MPHOSPH8: variants seen among roughly 807,000 people sequenced by gnomAD.
MPHOSPH8 encodes M-phase phosphoprotein, mpp.
MPHOSPH8 carries 45 observed loss-of-function variants against 87.3 expected under a neutral mutation model. That is an observed-to-expected ratio of 0.52 (90% CI 0.41 to 0.66). The LOEUF is 0.66. MPHOSPH8 is among the 30% of genes least tolerant of loss of function. MPHOSPH8 has a pLI of 0.00. For synonymous variants in MPHOSPH8, 366 were observed against 376.9 expected, an observed-to-expected ratio of 0.97 and a Z score of 0.33; for missense variants, 883 against 1,020.2, an observed-to-expected ratio of 0.87 and a Z score of 1.83.
chr13:19,654,312 A>C (rs942616172), intron 5 of MPHOSPH8, among the ~76,000 whole-genome samples: 2 of 152,106 alleles, frequency 1.3e-5, no homozygotes, highest in African/African-American at 4.8e-5. Flanking sequence ...GGAACATCAC[A>C]CACCAGGGCC....
intron 7 of MPHOSPH8, among the ~76,000 whole-genome samples, chr13:19,660,194 TC>T (rs992716998): frequency 6.6e-6 from 1 of 151,610 alleles, no homozygotes; most frequent in Non-Finnish European, 1.5e-5. Flanking sequence ...GGTCTCGATC[TC>T]CTGACCTTGT....
intron 1 of MPHOSPH8, among the ~76,000 whole-genome samples, chr13:19,640,809 GT>G (rs1012290953): frequency 7.2e-5 from 11 of 152,044 alleles, no homozygotes; most frequent in African/African-American, 2.4e-4. Context: ...AAAAGGGAGC[GT>G]TTTTGTACTA....
rs572579207 is a variant in MPHOSPH8, at chr13:19,648,156, C to CTT, written c.1219-254_1219-253dup. On this transcript the variant is annotated intron_variant, in intron 3 of 13. Transcript: ENST00000361479. The stretch of plus-strand genomic sequence containing the variant: ...GGGTGGAAAACTTTCTTATAATTTT[C>CTT]TTTTTTTTTTTTTAATAATAAAATT... Among the ~76,000 whole-genome samples, 3 of 139,074 alleles carry CTT rather than the reference C, an allele frequency of 2.2e-5. No individual in the cohort carries two copies. The South Asian group carries it at 6.9e-4, about 32-fold the overall frequency. The allele number at this position is 139,074 out of a possible 152,430, so 91.2% of individuals were successfully genotyped here.
At chr13:19,643,977 A>G (rs1874438397) in intron 2 of MPHOSPH8, among the ~76,000 whole-genome samples, 1 of 152,174 alleles carries the variant, frequency 6.6e-6, no homozygotes, top group Non-Finnish European at 1.5e-5. Flanking sequence ...AGAGAAATTA[A>G]CCTCAGATTT....
Position 19,671,406 on chromosome 13 carries a change from C to T in MPHOSPH8, c.2541+117C>T, listed in dbSNP as rs1555224474. 10 of 831,500 alleles carry T rather than the reference C, an allele frequency of 1.2e-5. 1 individual carries two copies. In the South Asian group the frequency reaches 1.5e-4, roughly 13 times the overall value. The allele number at this position is 831,500 out of a possible 1,614,324, so 51.5% of individuals were successfully genotyped here. On this transcript the variant is annotated intron_variant, in intron 13 of 13. Coordinates refer to ENST00000361479, the MANE Select transcript of MPHOSPH8 (RefSeq NM_017520.4). ...GGTGTACCTGTCCTAGAGACAGGCA[C>T]TCCCTGGGGTAGTGATGCTAGGTGC...
rs201719876 is a variant in MPHOSPH8 at position 19,650,128 on chromosome 13, A to C, written c.1444A>C (p.Lys482Gln). ...PLDFKTIDDH[K>Q]TKENKQSLKE... Reference sequence around the variant, plus strand: ...GGATTTTAAAACCATAGACGATCACAAAACCAAGGAAAACAAACAGTCACT... The same window carrying C: ...GGATTTTAAAACCATAGACGATCACCAAACCAAGGAAAACAAACAGTCACT... The change falls in exon 5 of 14, where the codon AAA becomes CAA. Residue 482 changes from lysine to glutamine, a missense_variant. Around this residue, in one of 3 missense-constraint regions of MPHOSPH8, gnomAD observed 741 missense variants for 841.5 expected, o/e 0.88. Transcript: ENST00000361479. 6.4e-5 allele frequency: 103 copies of C among 1,614,074 alleles called. No homozygotes were observed. Among genetic ancestry groups the C allele is most frequent in the Non-Finnish European group, 6.6e-5 (78 of 1,180,032 alleles).
At chr13:19,638,544 C>T (rs1047359963) in intron 1 of MPHOSPH8, among the ~76,000 whole-genome samples, 1 of 150,260 alleles carries the variant, frequency 6.7e-6, no homozygotes, top group Admixed American at 6.6e-5. Flanking sequence ...ACCCAGGAGG[C>T]GAAGGTTGTG....
intron 13 of MPHOSPH8, 32 bp from the exon 14 acceptor site, chr13:19,671,802 G>C: frequency 6.2e-7 from 1 of 1,611,050 alleles, no homozygotes. Flanking sequence ...ATCTGGATCT[G>C]TACTGACACC....
At chr13:19,657,121 CAA>C (rs11383127) in intron 5 of MPHOSPH8, among the ~76,000 whole-genome samples, 11 of 70,080 alleles carry the variant, frequency 1.6e-4, no homozygotes, top group African/African-American at 7.0e-4. Context: ...AACTCTGTCT[CAA>C]AAAAAAAAAA....
chr13:19,653,444 T>C (rs765575178), intron 5 of MPHOSPH8, among the ~76,000 whole-genome samples: 9 of 152,124 alleles, frequency 5.9e-5, no homozygotes, highest in Non-Finnish European at 1.2e-4. Context: ...GGTAGATAAC[T>C]CCACAAAGAT....
Position 19,672,079 on chromosome 13 carries a change from T to G in MPHOSPH8, c.*204T>G, listed in dbSNP as rs1876161932. 5 of 571,782 alleles carry G rather than the reference T, an allele frequency of 8.7e-6. No homozygotes were observed. Among genetic ancestry groups the G allele is most frequent in the Non-Finnish European group, 1.6e-5 (5 of 321,160 alleles). The allele number at this position is 571,782 out of a possible 1,614,324, so 35.4% of individuals were successfully genotyped here. On this transcript the variant is annotated 3_prime_UTR_variant, in exon 14 of 14. Coordinates refer to ENST00000361479, the MANE Select transcript of MPHOSPH8 (RefSeq NM_017520.4). The stretch of plus-strand genomic sequence containing the variant: ...CGGAATCTCAGTGCAGTGTCCAGAC[T>G]GCGTATTTCAGTTTTTCCACAATGT...
Position 19,657,121 on chromosome 13 carries a change from CAAAAAAAAAAA to C in MPHOSPH8, c.1577-1863_1577-1853del, listed in dbSNP as rs11383127. Among the ~76,000 whole-genome samples, 52 of 70,094 alleles carry C rather than the reference CAAAAAAAAAAA, an allele frequency of 7.4e-4. 1 individual carries two copies. Among genetic ancestry groups the C allele is most frequent in the African/African-American group, 2.9e-3 (45 of 15,660 alleles). The allele number at this position is 70,094 out of a possible 152,430, so 46.0% of individuals were successfully genotyped here. On this transcript the variant is annotated intron_variant, in intron 5 of 13. Transcript: ENST00000361479. The stretch of plus-strand genomic sequence containing the variant: ...TGGGCAACAGCACAAAACTCTGTCT[CAAAAAAAAAAA>C]AAAAAAAAAAGGCCTGTATGGAGAA...
rs1340981031 is a variant in MPHOSPH8, at chr13:19,673,094, T to C, written c.*1219T>C. 1 of 357,024 alleles carries C rather than the reference T, an allele frequency of 2.8e-6. No individual in the cohort carries two copies. Among genetic ancestry groups the C allele is most frequent in the Non-Finnish European group, 5.5e-6 (1 of 180,462 alleles). The allele number at this position is 357,024 out of a possible 1,614,324, so 22.1% of individuals were successfully genotyped here. On this transcript the variant is annotated 3_prime_UTR_variant, in exon 14 of 14. Coordinates refer to ENST00000361479, the MANE Select transcript of MPHOSPH8 (RefSeq NM_017520.4). ...GTTTCTTGGAACCTATACGGTTTTTTTTTGTTTTTTTTTTTTGAAAAGCCA... is the reference window on the plus strand; with the variant it reads ...GTTTCTTGGAACCTATACGGTTTTTCTTTGTTTTTTTTTTTTGAAAAGCCA...
In MPHOSPH8 at chr13:19,650,194, G is replaced by A. The variant is rs778729583; in HGVS notation, c.1510G>A (p.Ala504Thr). 1.9e-6 allele frequency: 3 copies of A among 1,614,040 alleles called. No individual in the cohort carries two copies. Among genetic ancestry groups the A allele is most frequent in the South Asian group, 2.2e-5 (2 of 91,094 alleles). The change falls in exon 5 of 14, where the codon GCA becomes ACA. Residue 504 changes from alanine to threonine, a missense_variant. Transcript: ENST00000361479. The part of the protein sequence containing the change: ...RNTRDETDTW[A>T]YIAAEGDQEV... ...CACCAGAGACGAAACGGATACTTGG[G>A]CATACATTGCTGCAGAAGGTGATCA...
chr13:19,668,568 A>T, intron 11 of MPHOSPH8, 37 bp downstream of exon 11: 1 of 1,579,986 alleles, frequency 6.3e-7, no homozygotes, highest in Non-Finnish European at 8.6e-7. Context: ...TTCTATGTGA[A>T]GTGTGACACT....
rs770503364 is a variant in MPHOSPH8, at chr13:19,661,780, C to T, written c.1874C>T (p.Ala625Val). The change falls in exon 8 of 14, where the codon GCG becomes GTG. Residue 625 changes from alanine (A) to valine (V), a missense_variant. Physicochemically the swap from Ala to Val is moderately conservative, Grantham distance 64. Coordinates refer to ENST00000361479, the MANE Select transcript of MPHOSPH8 (RefSeq NM_017520.4). ...CTGCGACTCCTCATCACAAAAGGCG[C>T]GAAAGTGAACGGTCGGCAGAAGAAC... ...DLLRLLITKG[A>V]KVNGRQKNGT... The T allele has an allele frequency of 3.7e-6, 6 of 1,613,386 alleles. No individual in the cohort carries two copies. Among genetic ancestry groups the T allele is most frequent in the South Asian group, 2.2e-5 (2 of 90,912 alleles).
At position 19,673,031 on chromosome 13, in the gene MPHOSPH8, A is replaced by G. The variant is rs4769866; in HGVS notation, c.*1156A>G. 432,879 of 439,358 alleles carry G rather than the reference A, an allele frequency of 0.99. 213,589 individuals carry two copies. The highest frequency in any genetic ancestry group is 1 in the East Asian group (14,235 of 14,236). The allele number at this position is 439,358 out of a possible 1,614,324, so 27.2% of individuals were successfully genotyped here. On this transcript the variant is annotated 3_prime_UTR_variant, in exon 14 of 14. Coordinates refer to ENST00000361479, the MANE Select transcript of MPHOSPH8 (RefSeq NM_017520.4). ...TGAAAGGCCACTGCACTCCAGCCTG[A>G]GTGACAGAATGAGACCTTGTCTCAA...
chr13:19,663,427 G>T (rs1254706883), intron 9 of MPHOSPH8, among the ~76,000 whole-genome samples: 1 of 152,210 alleles, frequency 6.6e-6, no homozygotes. Context: ...GTGCCACACT[G>T]TGTCCTAAAT....
chr13:19,672,969 T>C lies in MPHOSPH8; in HGVS notation c.*1094T>C, dbSNP rs1393184447. 6.0e-5 allele frequency: 24 copies of C among 402,062 alleles called. No individual in the cohort carries two copies. Among genetic ancestry groups the C allele is most frequent in the Non-Finnish European group, 1.1e-4 (22 of 208,000 alleles). 24.9% of individuals were successfully genotyped at this position (402,062 alleles called of 1,614,324 possible). Reference sequence around the variant, plus strand: ...TACTCAGGAGGCTGAGGTGAAAGGATTGCTTGAGCCAGGGAGGTCAAGGCT... The same window carrying C: ...TACTCAGGAGGCTGAGGTGAAAGGACTGCTTGAGCCAGGGAGGTCAAGGCT... On this transcript the variant is annotated 3_prime_UTR_variant, in exon 14 of 14. Transcript: ENST00000361479.
Sources: allele counts gnomAD v4.1 joint callset (sites outside exome capture counted in the v4.1 genomes callset), GRCh38; gene constraint gnomAD v4.1.1; regional missense constraint gnomAD v4.1.1; transcripts MANE v1.5; gene names NCBI Gene and HGNC (gene_info 2026-07-23, HGNC 2026-07-21).